Variants in PHF21B observed in about 807,000 individuals in gnomAD.
The protein encoded by PHF21B is PHD finger protein 4.
A neutral mutation model predicts 62.2 loss-of-function variants in PHF21B; 22 were observed. That is an observed-to-expected ratio of 0.35 (90% CI 0.25 to 0.51). PHF21B has a LOEUF of 0.51. PHF21B is among the 20% of genes least tolerant of loss of function. The probability of loss-of-function intolerance (pLI) is 0.97; values close to 1 mark genes in which losing one functional copy is unlikely to be tolerated. For missense variants in PHF21B, 701 were observed against 707.9 expected, an observed-to-expected ratio of 0.99 and a Z score of 0.11; for synonymous variants, 341 against 314.7, an observed-to-expected ratio of 1.08 and a Z score of -0.88.
In PHF21B at chr22:44,881,417, G is replaced by C. The variant is rs2070740052; in HGVS notation, c.*1669C>G. On this transcript the variant is annotated 3_prime_UTR_variant, in exon 13 of 13. Coordinates refer to ENST00000313237, the MANE Select transcript of PHF21B (RefSeq NM_138415.5). ...CAAACCAACAGAAAAGGAAGCTGAA[G>C]ACATGGACATCGCAAGCCACGCGGT... 6.5e-6 allele frequency: 1 copy of C among 152,680 alleles called. No homozygotes were observed. Among genetic ancestry groups the C allele is most frequent in the Non-Finnish European group, 1.5e-5 (1 of 68,060 alleles). The allele number at this position is 152,680 out of a possible 1,614,324, so 9.5% of individuals were successfully genotyped here.
At position 44,982,661 on chromosome 22, in the gene PHF21B, C is replaced by T. The variant is rs561027019; in HGVS notation, c.120+25884G>A. Among the ~76,000 whole-genome samples, 34 of 152,296 alleles carry T rather than the reference C, an allele frequency of 2.2e-4. No homozygotes were observed. In the South Asian group the frequency reaches 6.8e-3, roughly 31 times the overall value. ...CTCAACTCCCGTCAAATGAGGCTGT[C>T]GATTTTAATTAATTTCAGACTTTGT... On this transcript the variant is annotated intron_variant, in intron 2 of 12. Transcript: ENST00000313237.
At chr22:44,924,423 G>C (rs956807769) in intron 2 of PHF21B, among the ~76,000 whole-genome samples, 6 of 152,212 alleles carry the variant, frequency 3.9e-5, no homozygotes, top group African/African-American at 7.2e-5. Flanking sequence ...TCCTCTCCCA[G>C]ATCCAAATGT....
chr22:44,886,374 G>C (rs995296344), intron 10 of PHF21B, among the ~76,000 whole-genome samples: 2 of 19,036 alleles, frequency 1.1e-4, no homozygotes, highest in Non-Finnish European at 2.1e-4. Flanking sequence ...AAAGAAAGAA[G>C]AAAAAAGGAA....
chr22:45,008,120 T>C (rs2073359881), intron 2 of PHF21B: 1 of 156,634 alleles, frequency 6.4e-6, no homozygotes, highest in South Asian at 2.1e-4. Context: ...CGAGGAACGA[T>C]TTCAAAACGA....
At chr22:44,926,386 C>A (rs2071632560) in intron 2 of PHF21B, among the ~76,000 whole-genome samples, 2 of 152,246 alleles carry the variant, frequency 1.3e-5, no homozygotes, top group Admixed American at 1.3e-4. Flanking sequence ...GCCAGCATAT[C>A]CAATAGGGGC....
At chr22:44,916,678 G>A (rs554293546) in intron 3 of PHF21B, 48 bp from the exon 4 acceptor site, 1 of 1,559,890 alleles carries the variant, frequency 6.4e-7, no homozygotes, top group African/African-American at 1.3e-5. Flanking sequence ...ACACACAGGA[G>A]TGCAGGGGAG....
At chr22:44,998,387 T>C (rs2073156292) in intron 2 of PHF21B, among the ~76,000 whole-genome samples, 1 of 152,192 alleles carries the variant, frequency 6.6e-6, no homozygotes, top group Admixed American at 6.5e-5. Flanking sequence ...ACAAACACAA[T>C]AGGTTTCTCG....
chr22:44,998,139 A>T (rs1008680541), intron 2 of PHF21B, among the ~76,000 whole-genome samples: 12 of 152,224 alleles, frequency 7.9e-5, no homozygotes, highest in African/African-American at 2.7e-4. Flanking sequence ...ATTCTGGAAC[A>T]CACTGTGCCC....
chr22:44,926,978 T>C (rs2071645013), intron 2 of PHF21B, among the ~76,000 whole-genome samples: 1 of 152,036 alleles, frequency 6.6e-6, no homozygotes, highest in Non-Finnish European at 1.5e-5. Flanking sequence ...TGTGTCTGTG[T>C]TTCTGGGCCT....
chr22:44,945,586 T>C (rs986918228), intron 2 of PHF21B, among the ~76,000 whole-genome samples: 5 of 152,238 alleles, frequency 3.3e-5, no homozygotes, highest in African/African-American at 1.2e-4. Flanking sequence ...TCAGATCCCC[T>C]GCACCTGGGC....
At chr22:44,901,691 AG>A (rs1286296407) in intron 5 of PHF21B, 2 of 460,800 alleles carry the variant, frequency 4.3e-6, no homozygotes, top group Non-Finnish European at 7.3e-6. Flanking sequence ...AAAAAGCCCA[AG>A]GGGGAAGCCC....
intron 2 of PHF21B, among the ~76,000 whole-genome samples, chr22:44,973,821 G>A (rs2072685051): frequency 6.6e-6 from 1 of 152,236 alleles, no homozygotes; most frequent in South Asian, 2.1e-4. Flanking sequence ...GCAACTAGCT[G>A]AACAAGACCT....
intron 2 of PHF21B, among the ~76,000 whole-genome samples, chr22:44,972,911 G>C (rs2072666265): frequency 6.6e-6 from 1 of 152,200 alleles, no homozygotes; most frequent in Non-Finnish European, 1.5e-5. Context: ...GTAGGGGCGG[G>C]GGAGGGAGGT....
At chr22:44,895,593 A>G (rs1043250474) in intron 6 of PHF21B, among the ~76,000 whole-genome samples, 1 of 152,176 alleles carries the variant, frequency 6.6e-6, no homozygotes, top group East Asian at 1.9e-4. Flanking sequence ...TTTATACATG[A>G]AGAGACTGAG....
chr22:44,990,312 A>G (rs1429596628), intron 2 of PHF21B, among the ~76,000 whole-genome samples: 9 of 152,258 alleles, frequency 5.9e-5, no homozygotes, highest in Non-Finnish European at 1.3e-4. Context: ...CCACTTCTGC[A>G]TAGATACCCA....
At chr22:44,981,305 G>A (rs1022023780) in intron 2 of PHF21B, among the ~76,000 whole-genome samples, 1 of 152,200 alleles carries the variant, frequency 6.6e-6, no homozygotes, top group African/African-American at 2.4e-5. Flanking sequence ...ACCCTCCTCG[G>A]ATACTGTCTC....
At chr22:44,977,438 G>A (rs769248411) in intron 2 of PHF21B, among the ~76,000 whole-genome samples, 2 of 152,054 alleles carry the variant, frequency 1.3e-5, no homozygotes, top group South Asian at 2.1e-4. Context: ...GGTTGTGTGC[G>A]CCTGTAAGCC....
chr22:44,991,270 A>T (rs147722932), intron 2 of PHF21B, among the ~76,000 whole-genome samples: 96 of 152,296 alleles, frequency 6.3e-4, no homozygotes, highest in Admixed American at 4.4e-3. Context: ...AAATGGGTAA[A>T]AGAAAAGGCA....
chr22:44,983,794 C>T (rs1469802312), intron 2 of PHF21B, among the ~76,000 whole-genome samples: 1 of 152,156 alleles, frequency 6.6e-6, no homozygotes, highest in East Asian at 1.9e-4. Context: ...GAGGATTAAA[C>T]TCCAGGGTAG....
Sources: allele counts gnomAD v4.1 joint callset (sites outside exome capture counted in the v4.1 genomes callset), GRCh38; gene constraint gnomAD v4.1.1; transcripts MANE v1.5; gene names NCBI Gene and HGNC (gene_info 2026-07-23, HGNC 2026-07-21).